The following NAT9 variants were observed in gnomAD, a reference collection of about 807,000 sequenced individuals.
NAT9 encodes alpha/beta-tubulin-N-acetyltransferase 9.
Under a neutral mutation model 24.0 loss-of-function variants are expected in NAT9, and 18 were observed. The observed-to-expected ratio is 0.75, with a 90% CI of 0.52 to 1.11. The LOEUF (loss-of-function observed/expected upper bound fraction) is 1.11. Ranked by LOEUF, NAT9 falls within the 50% of genes most tolerant of loss-of-function variation. The pLI is 0.00. For synonymous variants in NAT9, 104 were observed against 102.3 expected, an observed-to-expected ratio of 1.02 and a Z score of -0.10; for missense variants, 254 against 258.6, an observed-to-expected ratio of 0.98 and a Z score of 0.12.
rs531494762 is a variant in NAT9 at position 74,773,001 on chromosome 17, C to T, written c.229G>A (p.Ala77Thr). 2 of 1,613,944 alleles carry T rather than the reference C, an allele frequency of 1.2e-6. No homozygotes were observed. The highest frequency in any genetic ancestry group is 1.1e-5 in the South Asian group (1 of 91,034). The part of the protein sequence containing the change: ...FIVLDAEKWQ[A>T]QPGATEESCM... ...CTCTCTTCGGTGGCGCCTGGCTGGG[C>T]CTGCCACTTCTCGGCATCCAGCACA... The change falls in exon 4 of 7, where the codon GCC (alanine) becomes ACC (threonine). Residue 77 changes from alanine to threonine, a missense_variant. By Grantham distance (58) the Ala-to-Thr change is moderately conservative. Coordinates refer to ENST00000357814, the MANE Select transcript of NAT9 (RefSeq NM_015654.5).
At position 74,772,965 on chromosome 17, in the gene NAT9, C is replaced by T; in HGVS notation, c.265G>A (p.Gly89Arg). Residue 89 changes from glycine (G) to arginine (R), a missense_variant, in exon 4 of 7, where the codon GGA becomes AGA. Gly to Arg is a moderately radical substitution (Grantham distance 125). Coordinates refer to ENST00000357814, the MANE Select transcript of NAT9 (RefSeq NM_015654.5). ...TCTGTGAGGAAGAGGTTCACATCTC[C>T]CACCATGCAGCTCTCTTCGGTGGCG... ...PGATEESCMVGDVNLFLTDLE... is the reference protein window; with the variant it reads ...PGATEESCMVRDVNLFLTDLE... 1 of 1,614,180 alleles carries T rather than the reference C, an allele frequency of 6.2e-7. No homozygotes were observed. Among genetic ancestry groups the T allele is most frequent in the Non-Finnish European group, 8.5e-7 (1 of 1,180,014 alleles).
At chr17:74,775,362 A>T (rs971717683) in intron 2 of NAT9, 1 of 335,140 alleles carries the variant, frequency 3.0e-6, no homozygotes, top group Admixed American at 4.6e-5. Context: ...TAATTTTTGT[A>T]TTTTTTTGTA....
At position 74,774,849 on chromosome 17, in the gene NAT9, C is replaced by CTTTATTTTAT. The variant is rs112899241; in HGVS notation, c.77+763_77+772dup. Among the ~76,000 whole-genome samples, 406 of 145,882 alleles carry CTTTATTTTAT rather than the reference C, an allele frequency of 2.8e-3. 4 individuals carry two copies. The highest frequency in any genetic ancestry group is 9.7e-3 in the African/African-American group (382 of 39,568). On this transcript the variant is annotated intron_variant, in intron 2 of 6. Coordinates refer to ENST00000357814, the MANE Select transcript of NAT9 (RefSeq NM_015654.5). The stretch of plus-strand genomic sequence containing the variant: ...ACAGGCGTGAGCCACTGCGCCCAGC[C>CTTTATTTTAT]TTTATTTTATTTTATTTTATTTTTG...
chr17:74,773,080 A>G, intron 3 of NAT9, 41 bp from the exon 4 acceptor site: 1 of 1,604,516 alleles, frequency 6.2e-7, no homozygotes, highest in East Asian at 2.2e-5. Flanking sequence ...CACTCCCCAG[A>G]GGAGAGAAGA....
At chr17:74,772,820 T>C in intron 4 of NAT9, 76 bp downstream of exon 4, 1 of 1,591,364 alleles carries the variant, frequency 6.3e-7, no homozygotes, top group Non-Finnish European at 8.6e-7. Flanking sequence ...GTGCCCACCC[T>C]TTGCAGCCTC....
intron 1 of NAT9, 165 bp downstream of exon 1, chr17:74,776,102 A>AC (rs886535376): frequency 3.8e-5 from 6 of 158,492 alleles, no homozygotes; most frequent in African/African-American, 1.4e-4. Flanking sequence ...CCAACCTCTT[A>AC]CCCCGGCGAC....
Position 74,771,808 on chromosome 17 carries a change from A to C in NAT9, c.540T>G (p.Ser180Arg). The C allele has an allele frequency of 1.9e-6, 3 of 1,614,020 alleles. No homozygotes were observed. Among genetic ancestry groups the C allele is most frequent in the Non-Finnish European group, 2.5e-6 (3 of 1,179,984 alleles). ...FQEVTLRLTV[S>R]ESEHQWLLEQ... is the part of the protein sequence containing the mutation. ...CCAGAAGCCACTGATGCTCGGACTC[A>C]CTCACTGTCAGTCTGAGGGTCACCT... The change falls in exon 7 of 7, where the codon AGT becomes AGG. Residue 180 changes from serine to arginine, a missense_variant. Coordinates refer to ENST00000357814, the MANE Select transcript of NAT9 (RefSeq NM_015654.5).
chr17:74,775,179 GTTTT>G (rs1207142655), intron 2 of NAT9, among the ~76,000 whole-genome samples: 4 of 147,638 alleles, frequency 2.7e-5, no homozygotes, highest in African/African-American at 7.5e-5. Context: ...GTTTGTTTTT[GTTTT>G]TTTGTTTTTT....
chr17:74,775,766 T>C (rs1370617312), intron 1 of NAT9, 59 bp from the exon 2 acceptor site: 2 of 1,465,618 alleles, frequency 1.4e-6, no homozygotes, highest in African/African-American at 2.8e-5. Context: ...CAACTTTGGG[T>C]AGGCGCTCCA....
In NAT9 at chr17:74,772,052, C is replaced by A. The variant is rs142832529; in HGVS notation, c.397G>T (p.Val133Leu). 6.2e-7 allele frequency: 1 copy of A among 1,614,240 alleles called. No homozygotes were observed. Among genetic ancestry groups the A allele is most frequent in the South Asian group, 1.1e-5 (1 of 91,086 alleles). Reference sequence around the variant, plus strand: ...AACTTGGTCAGACCTAGCGTGGTCACTCCTCGCAGAGGAGATGAGACAGGG... The same window carrying A: ...AACTTGGTCAGACCTAGCGTGGTCAATCCTCGCAGAGGAGATGAGACAGGG... ...EAVLAMLSYG[V>L]TTLGLTKFEA... Residue 133 changes from valine to leucine, a missense_variant and splice_region_variant, in exon 6 of 7, where the codon GTG (valine) becomes TTG (leucine). Transcript: ENST00000357814.
intron 2 of NAT9, chr17:74,775,401 C>A: frequency 2.3e-6 from 1 of 439,584 alleles, no homozygotes; most frequent in Non-Finnish European, 4.0e-6. Context: ...GTTACCCAAG[C>A]TGGTCTCGAA....
intron 4 of NAT9, chr17:74,772,685 C>T (rs1401857779): frequency 1.8e-5 from 20 of 1,142,578 alleles, no homozygotes; most frequent in Non-Finnish European, 2.0e-5. Flanking sequence ...GTTAAGTTCA[C>T]GCCTAAGCAT....
chr17:74,773,414 G>C (rs2035510105), intron 3 of NAT9, 162 bp downstream of exon 3: 1 of 635,068 alleles, frequency 1.6e-6, no homozygotes. Flanking sequence ...TCAGCCACAG[G>C]GACTGGCTTC....
Position 74,776,314 on chromosome 17 carries a change from C to T in NAT9, c.-57G>A, listed in dbSNP as rs2036071762. The T allele has an allele frequency of 6.6e-6, 1 of 152,546 alleles. No homozygotes were observed. The highest frequency in any genetic ancestry group is 2.4e-5 in the African/African-American group (1 of 41,482). 9.4% of individuals were successfully genotyped at this position (152,546 alleles called of 1,614,324 possible). ...CCGCAGAAAGGGTGATCTACCTCCT[C>T]CAACCAGCCACGTTCCCAGGCCCGG... On this transcript the variant is annotated 5_prime_UTR_variant, in exon 1 of 7. Transcript: ENST00000357814.
rs1373958594 is a variant in NAT9, at chr17:74,771,756, G to C, written c.592C>G (p.Pro198Ala). 6.2e-7 allele frequency: 1 copy of C among 1,613,968 alleles called. No homozygotes were observed. The highest frequency in any genetic ancestry group is 8.5e-7 in the Non-Finnish European group (1 of 1,180,032). The part of the protein sequence containing the change: ...LEQTSHVEEK[P>A]YRDGSAEPC ...GGCTCTGCCGACCCATCTCTGTAAG[G>C]CTTCTCTTCCACGTGGCTGGTCTGC... The change falls in exon 7 of 7, where the codon CCT (proline) becomes GCT (alanine). Residue 198 changes from proline (P) to alanine (A), a missense_variant. Coordinates refer to ENST00000357814, the MANE Select transcript of NAT9 (RefSeq NM_015654.5).
At position 74,772,284 on chromosome 17, in the gene NAT9, G is replaced by C. The variant is rs376638163; in HGVS notation, c.335-7C>G. On this transcript the variant is annotated splice_region_variant and splice_polypyrimidine_tract_variant and intron_variant, in intron 4 of 6. Transcript: ENST00000357814. The stretch of plus-strand genomic sequence containing the variant: ...TTACCCCTGCAGCTGGGCTCTAGGA[G>C]AGACAACAGGAGCGGCGCTGACGCC... 6.2e-7 allele frequency: 1 copy of C among 1,613,730 alleles called. No homozygotes were observed. Among genetic ancestry groups the C allele is most frequent in the Non-Finnish European group, 8.5e-7 (1 of 1,180,034 alleles).
rs755156546 is a variant in NAT9, at chr17:74,772,019, T to C, written c.430A>G (p.Lys144Glu). 1.1e-5 allele frequency: 18 copies of C among 1,614,098 alleles called. No individual in the cohort carries two copies. The highest frequency in any genetic ancestry group is 1.4e-5 in the Non-Finnish European group (17 of 1,180,034). ...CTTGGTTCATTTCCTTGCCCAATTT[T>C]AGCCTCAAACTTGGTCAGACCTAGC... ...TTLGLTKFEA[K>E]IGQGNEPSIR... Residue 144 changes from lysine to glutamate, a missense_variant, in exon 6 of 7, where the codon AAA becomes GAA. Transcript: ENST00000357814.
rs371363355 is a variant in NAT9, at chr17:74,774,440, G to GT, written c.78-753dup. Reference sequence around the variant, plus strand: ...TTTTTTTTTTTTTTTTTGAGACAGAGTTTTACTCTTGTTGCCCAGGCTGGA... The same window carrying GT: ...TTTTTTTTTTTTTTTTTGAGACAGAGTTTTTACTCTTGTTGCCCAGGCTGGA... On this transcript the variant is annotated intron_variant, in intron 2 of 6. Coordinates refer to ENST00000357814, the MANE Select transcript of NAT9 (RefSeq NM_015654.5). 4.1e-3 allele frequency among the ~76,000 whole-genome samples: 594 copies of GT among 145,496 alleles called. 6 individuals are homozygous for GT. Among genetic ancestry groups the GT allele is most frequent in the African/African-American group, 0.014 (560 of 39,656 alleles).
chr17:74,775,585 G>T (rs980467173), intron 2 of NAT9, 37 bp downstream of exon 2: 1 of 1,572,816 alleles, frequency 6.4e-7, no homozygotes, highest in Admixed American at 1.7e-5. Context: ...ACAGCTCTGG[G>T]TGCTGATACG....
Sources: allele counts gnomAD v4.1 joint callset (sites outside exome capture counted in the v4.1 genomes callset), GRCh38; gene constraint gnomAD v4.1.1; transcripts MANE v1.5; gene names NCBI Gene and HGNC (gene_info 2026-07-23, HGNC 2026-07-21).